Variants in PRKACB observed in about 807,000 individuals in gnomAD.
The protein encoded by PRKACB is protein kinase cAMP-activated catalytic subunit beta.
A neutral mutation model predicts 51.4 loss-of-function variants in PRKACB; 16 were observed. The ratio of observed to expected loss-of-function variants is 0.31; its 90% confidence interval spans 0.21 to 0.47. PRKACB has a LOEUF of 0.47. PRKACB is among the 20% of genes least tolerant of loss of function. The pLI is 1.00. For missense variants in PRKACB, 309 were observed against 464.5 expected, an observed-to-expected ratio of 0.67 and a Z score of 3.08; for synonymous variants, 147 against 154.4, an observed-to-expected ratio of 0.95 and a Z score of 0.35.
At chr1:84,159,218 A>G (rs182718173) in intron 1 of PRKACB, among the ~76,000 whole-genome samples, 37 of 152,274 alleles carry the variant, frequency 2.4e-4, no homozygotes, top group Admixed American at 7.2e-4. Context: ...GAGTTCATAG[A>G]TTAACTTGTA....
At chr1:84,111,564 A>T (rs1249516482) in intron 1 of PRKACB, among the ~76,000 whole-genome samples, 1 of 152,094 alleles carries the variant, frequency 6.6e-6, no homozygotes, top group African/African-American at 2.4e-5. Flanking sequence ...ACCCAAGGGT[A>T]AAATACTACC....
At chr1:84,078,252 C>A in exon 1 of PRKACB, 1 of 1,536,482 alleles carries the variant, frequency 6.5e-7, no homozygotes, top group South Asian at 1.2e-5. Context: ...GGGAGTTGTC[C>A]CAGACTGTGG....
upstream of PRKACB, among the ~76,000 whole-genome samples, chr1:84,142,557 G>A (rs1323500611): frequency 3.3e-5 from 5 of 152,114 alleles, no homozygotes; most frequent in Non-Finnish European, 5.9e-5. Flanking sequence ...TAAGAATTTT[G>A]TCATATAGAT....
Position 84,144,345 on chromosome 1 carries a change from A to G in PRKACB, c.-17A>G. ...AAACATTTGCAGTTACATTAAGTAAAGTGTAAATGCACATGAATGGCAGCT... is the reference window on the plus strand; with the variant it reads ...AAACATTTGCAGTTACATTAAGTAAGGTGTAAATGCACATGAATGGCAGCT... On this transcript the variant is annotated 5_prime_UTR_variant, in exon 1 of 10. Coordinates refer to ENST00000370685, the MANE Select transcript of PRKACB (RefSeq NM_182948.4). The G allele has an allele frequency of 6.2e-7, 1 of 1,606,274 alleles. No homozygotes were observed.
intron 8 of PRKACB, 137 bp from the exon 9 acceptor site, chr1:84,214,013 TTAA>T: frequency 1.2e-6 from 1 of 809,850 alleles, no homozygotes; most frequent in Non-Finnish European, 1.8e-6. Context: ...TAACATGTAG[TTAA>T]AAGTATGTGA....
intron 1 of PRKACB, among the ~76,000 whole-genome samples, chr1:84,087,916 A>G (rs1648145096): frequency 1.3e-5 from 2 of 152,256 alleles, no homozygotes; most frequent in South Asian, 4.1e-4. Context: ...TAGCCAGTGA[A>G]ATAGGGAGTA....
chr1:84,132,092 T>TG (rs1368891838), intron 1 of PRKACB, among the ~76,000 whole-genome samples: 1 of 152,096 alleles, frequency 6.6e-6, no homozygotes, highest in Non-Finnish European at 1.5e-5. Context: ...TCGGTTTCAG[T>TG]GGGGGAAAAT....
At chr1:84,180,206 A>ATATATATATATATG (rs1553173784) in intron 2 of PRKACB, among the ~76,000 whole-genome samples, 8 of 127,146 alleles carry the variant, frequency 6.3e-5, no homozygotes, top group African/African-American at 1.7e-4. Context: ...ATATATATAT[A>ATATATATATATATG]TATGTATGAT....
intron 1 of PRKACB, among the ~76,000 whole-genome samples, chr1:84,087,548 T>C (rs116163312): frequency 0.021 from 3,167 of 152,286 alleles, 121 homozygotes; most frequent in African/African-American, 0.072. Context: ...TTTTACTCTT[T>C]AAAATAATTT....
chr1:84,114,441 C>G (rs889929506), intron 1 of PRKACB, among the ~76,000 whole-genome samples: 1 of 151,542 alleles, frequency 6.6e-6, no homozygotes, highest in Non-Finnish European at 1.5e-5. Flanking sequence ...TCAGGAGGGC[C>G]TTTAGTGTTA....
intron 9 of PRKACB, among the ~76,000 whole-genome samples, chr1:84,226,918 A>G (rs915906459): frequency 3.9e-5 from 6 of 152,148 alleles, no homozygotes; most frequent in African/African-American, 1.4e-4. Context: ...TTAACAAAAC[A>G]TTGTTGATTT....
intron 7 of PRKACB, among the ~76,000 whole-genome samples, chr1:84,199,985 A>G (rs1669611202): frequency 6.6e-6 from 1 of 152,064 alleles, no homozygotes; most frequent in African/African-American, 2.4e-5. Context: ...AGCTGGGACT[A>G]CCGGCATGCA....
chr1:84,151,993 C>T (rs1256480965), intron 1 of PRKACB, among the ~76,000 whole-genome samples: 4 of 152,180 alleles, frequency 2.6e-5, no homozygotes, highest in African/African-American at 4.8e-5. Context: ...TGCCCAGATC[C>T]ATCAGAGGAA....
At chr1:84,085,844 C>T (rs572670594) in intron 1 of PRKACB, 2 of 507,572 alleles carry the variant, frequency 3.9e-6, no homozygotes, top group Non-Finnish European at 3.6e-6. Context: ...CTGCAGACCC[C>T]ACAGTGCAGT....
chr1:84,172,936 A>G (rs1365779079), intron 1 of PRKACB, among the ~76,000 whole-genome samples: 1 of 151,770 alleles, frequency 6.6e-6, no homozygotes, highest in African/African-American at 2.4e-5. Flanking sequence ...CCAATCCAAT[A>G]AACTGTACAA....
chr1:84,191,748 A>T (rs1446946281), intron 5 of PRKACB, among the ~76,000 whole-genome samples: 1 of 152,090 alleles, frequency 6.6e-6, no homozygotes, highest in African/African-American at 2.4e-5. Context: ...CACCTGGATG[A>T]TAGGAACATT....
chr1:84,102,486 G>T, intron 1 of PRKACB, among the ~76,000 whole-genome samples: 1 of 152,146 alleles, frequency 6.6e-6, no homozygotes, highest in Non-Finnish European at 1.5e-5. Context: ...AAATCTTAAG[G>T]ACTTGTCCCA....
chr1:84,128,100 C>G (rs572068287), intron 1 of PRKACB, among the ~76,000 whole-genome samples: 8 of 146,532 alleles, frequency 5.5e-5, no homozygotes, highest in Admixed American at 5.4e-4. Context: ...CCTTCACCTC[C>G]CAGGTCCAAG....
At chr1:84,222,196 G>A (rs556582295) in intron 9 of PRKACB, among the ~76,000 whole-genome samples, 1 of 151,834 alleles carries the variant, frequency 6.6e-6, no homozygotes, top group South Asian at 2.1e-4. Context: ...TCATTTTACT[G>A]TTTTGACTTA....
Sources: gnomAD v4.1 joint callset for allele counts (sites outside exome capture counted in the v4.1 genomes callset) on GRCh38, gnomAD v4.1.1 for gene constraint, MANE v1.5 for transcripts, NCBI Gene and HGNC (gene_info 2026-07-23, HGNC 2026-07-21) for gene names.